Variants in NCKAP5 observed in about 807,000 individuals in gnomAD.
The protein encoded by NCKAP5 is nck-associated protein 5.
A neutral mutation model predicts 167.0 loss-of-function variants in NCKAP5; 92 were observed. That is an observed-to-expected ratio of 0.55 (90% CI 0.47 to 0.66). The LOEUF is 0.66. Among genes scored for constraint, NCKAP5 ranks in the 30% least tolerant of loss-of-function variants. NCKAP5 has a pLI of 0.00. For synonymous variants in NCKAP5, 891 were observed against 877.4 expected, an observed-to-expected ratio of 1.02 and a Z score of -0.27; for missense variants, 2,378 against 2,315.0, an observed-to-expected ratio of 1.03 and a Z score of -0.56.
At chr2:133,496,560 T>G (rs1175185013) in intron 3 of NCKAP5, among the ~76,000 whole-genome samples, 1 of 152,224 alleles carries the variant, frequency 6.6e-6, no homozygotes, top group African/African-American at 2.4e-5. Flanking sequence ...CAACTTCACA[T>G]TGACTAGAAC....
chr2:133,324,999 C>G (rs781601882), intron 3 of NCKAP5, among the ~76,000 whole-genome samples: 1 of 152,170 alleles, frequency 6.6e-6, no homozygotes, highest in Non-Finnish European at 1.5e-5. Context: ...AGAGCCACCA[C>G]GCCCAGCCTG....
intron 8 of NCKAP5, among the ~76,000 whole-genome samples, chr2:132,959,737 G>A (rs1024555032): frequency 1.3e-5 from 2 of 152,190 alleles, no homozygotes; most frequent in African/African-American, 2.4e-5. Context: ...GTGGCTTCTG[G>A]TGGGGTGGCA....
chr2:132,754,652 A>C (rs1333096446), intron 16 of NCKAP5, among the ~76,000 whole-genome samples: 1 of 152,220 alleles, frequency 6.6e-6, no homozygotes, highest in African/African-American at 2.4e-5. Context: ...GTTTTAAAGA[A>C]ATTATTTGTC....
At chr2:133,393,704 T>TA (rs759270178) in intron 3 of NCKAP5, among the ~76,000 whole-genome samples, 3 of 152,152 alleles carry the variant, frequency 2.0e-5, no homozygotes, top group Non-Finnish European at 4.4e-5. Flanking sequence ...CCAGAACAAA[T>TA]AAAAATGAAT....
At chr2:133,547,217 G>A (rs556224993) in intron 2 of NCKAP5, among the ~76,000 whole-genome samples, 32 of 152,296 alleles carry the variant, frequency 2.1e-4, no homozygotes, top group Middle Eastern at 3.4e-3. Context: ...CACCTGGCTC[G>A]GAGGGTCCTA....
chr2:133,436,822 T>C (rs77522602), intron 3 of NCKAP5, among the ~76,000 whole-genome samples: 5,037 of 152,268 alleles, frequency 0.033, 121 homozygotes, highest in Admixed American at 0.08. Flanking sequence ...TACACCTGGA[T>C]GCCCCGTTGC....
At chr2:133,330,244 A>ATTTTTT (rs765058418) in intron 3 of NCKAP5, among the ~76,000 whole-genome samples, 43 of 88,144 alleles carry the variant, frequency 4.9e-4, no homozygotes, top group Admixed American at 6.7e-4. Flanking sequence ...TATTTTTTGT[A>ATTTTTT]TTTTTTTTTT....
intron 3 of NCKAP5, among the ~76,000 whole-genome samples, chr2:133,411,772 T>C (rs1688788996): frequency 6.6e-6 from 1 of 152,128 alleles, no homozygotes; most frequent in Admixed American, 6.6e-5. Context: ...AGCCCAACAG[T>C]GTGGAAATGC....
intron 3 of NCKAP5, among the ~76,000 whole-genome samples, chr2:133,503,380 C>T (rs144773120): frequency 1.4e-4 from 21 of 152,266 alleles, no homozygotes; most frequent in African/African-American, 5.1e-4. Context: ...GCTCTTGCCT[C>T]ATCTGATCCT....
At chr2:133,278,206 G>A (rs193221359) in intron 4 of NCKAP5, among the ~76,000 whole-genome samples, 74 of 152,254 alleles carry the variant, frequency 4.9e-4, no homozygotes, top group African/African-American at 1.7e-3. Context: ...TATCGCAAAT[G>A]TAGTGACCTA....
chr2:132,941,256 C>T (rs1456993633), intron 8 of NCKAP5, among the ~76,000 whole-genome samples: 2 of 152,172 alleles, frequency 1.3e-5, no homozygotes, highest in Admixed American at 1.3e-4. Flanking sequence ...TTGTACTGGA[C>T]CTCTGCTGTT....
At chr2:133,027,805 G>T (rs2078748469) in intron 6 of NCKAP5, among the ~76,000 whole-genome samples, 1 of 152,028 alleles carries the variant, frequency 6.6e-6, no homozygotes, top group Non-Finnish European at 1.5e-5. Context: ...CAATTGCTCA[G>T]GTATTCAATT....
At chr2:133,078,840 G>A (rs1317761440) in intron 6 of NCKAP5, among the ~76,000 whole-genome samples, 3 of 152,152 alleles carry the variant, frequency 2.0e-5, no homozygotes, top group Middle Eastern at 3.4e-3. Flanking sequence ...CCTTGGTGTG[G>A]GCCAGTCAGT....
intron 3 of NCKAP5, among the ~76,000 whole-genome samples, chr2:133,419,507 A>G (rs1007281434): frequency 1.2e-4 from 19 of 152,346 alleles, no homozygotes; most frequent in Middle Eastern, 6.8e-3. Context: ...GAACATAATT[A>G]TAAGTACATG....
intron 8 of NCKAP5, chr2:132,954,600 T>C (rs1395307186): frequency 4.4e-6 from 2 of 451,900 alleles, no homozygotes; most frequent in East Asian, 7.0e-5. Context: ...AATTTCTACA[T>C]AGCCACTGCA....
intron 3 of NCKAP5, among the ~76,000 whole-genome samples, chr2:133,460,511 ATAAAAT>A (rs1043219361): frequency 6.6e-6 from 1 of 152,104 alleles, no homozygotes; most frequent in East Asian, 1.9e-4. Flanking sequence ...GCAACTTTAA[ATAAAAT>A]TAAAATTTAA....
intron 4 of NCKAP5, among the ~76,000 whole-genome samples, chr2:133,260,914 A>ATG (rs1006085789): frequency 1.8e-4 from 28 of 152,188 alleles, no homozygotes; most frequent in African/African-American, 6.8e-4. Context: ...ATGTGGGCAT[A>ATG]TGTGTGAAAC....
chr2:133,545,896 T>A (rs1171032066), intron 2 of NCKAP5, among the ~76,000 whole-genome samples: 1 of 152,166 alleles, frequency 6.6e-6, no homozygotes, highest in Non-Finnish European at 1.5e-5. Context: ...AATACTGTTG[T>A]TTTTGTAGAA....
At chr2:133,031,748 T>A (rs2078888195) in intron 6 of NCKAP5, among the ~76,000 whole-genome samples, 2 of 152,012 alleles carry the variant, frequency 1.3e-5, no homozygotes, top group East Asian at 1.9e-4. Flanking sequence ...TAGGGAGGAC[T>A]TTGTCTTGCA....
Sources: gnomAD v4.1 joint callset for allele counts (sites outside exome capture counted in the v4.1 genomes callset) on GRCh38, gnomAD v4.1.1 for gene constraint, MANE v1.5 for transcripts, NCBI Gene and HGNC (gene_info 2026-07-23, HGNC 2026-07-21) for gene names.